ENTPD4: variants seen among roughly 807,000 people sequenced by gnomAD.
The protein encoded by ENTPD4 is ectonucleoside triphosphate diphosphohydrolase 4, also known as Golgi UDPase.
A neutral mutation model predicts 79.1 loss-of-function variants in ENTPD4; 60 were observed. That is an observed-to-expected ratio of 0.76 (90% CI 0.62 to 0.94). The LOEUF (loss-of-function observed/expected upper bound fraction) is 0.94. Ranked by LOEUF, ENTPD4 falls within the 40% of genes least tolerant of loss-of-function variation. The pLI is 0.00. For missense variants in ENTPD4, 772 were observed against 775.1 expected, an observed-to-expected ratio of 1.00 and a Z score of 0.05; for synonymous variants, 276 against 292.0, an observed-to-expected ratio of 0.95 and a Z score of 0.56.
chr8:23,450,054 GTTCT>G (rs1323801813), intron 1 of ENTPD4, 57 bp from the exon 2 acceptor site: 2 of 870,212 alleles, frequency 2.3e-6, no homozygotes, highest in Admixed American at 2.0e-5. Flanking sequence ...AAACATCTAC[GTTCT>G]TTAAGTGTGT....
chr8:23,438,592 AT>A (rs1177110904), intron 9 of ENTPD4, among the ~76,000 whole-genome samples: 3 of 152,206 alleles, frequency 2.0e-5, no homozygotes, highest in Non-Finnish European at 4.4e-5. Context: ...TAAACTATCC[AT>A]TATATAAAGC....
Position 23,433,132 on chromosome 8 carries a change from G to C in ENTPD4, c.1645C>G (p.Arg549Gly), listed in dbSNP as rs779360023. The change falls in exon 13 of 13, where the codon CGA becomes GGA. Residue 549 changes from arginine (R) to glycine (G), a missense_variant. Transcript: ENST00000358689. ...PLRDIQQEAF[R>G]ASHTHWRGVS... ...CCCCGCCAGTGGGTGTGACTGGCTC[G>C]GAAGGCCTCCTGCTGGATGTCTCTG... is the stretch of plus-strand genomic sequence containing the variant. 6.2e-7 allele frequency: 1 copy of C among 1,614,106 alleles called. No individual in the cohort carries two copies. The highest frequency in any genetic ancestry group is 8.5e-7 in the Non-Finnish European group (1 of 1,180,008).
chr8:23,440,117 C>T (rs1319859983), intron 8 of ENTPD4: 3 of 508,632 alleles, frequency 5.9e-6, no homozygotes, highest in Non-Finnish European at 1.0e-5. Flanking sequence ...ATTTGTGATA[C>T]TGTTATGACT....
chr8:23,457,133 T>A (rs1409656671), intron 1 of ENTPD4, among the ~76,000 whole-genome samples: 1 of 152,072 alleles, frequency 6.6e-6, no homozygotes, highest in African/African-American at 2.4e-5. Flanking sequence ...ACATGAAATC[T>A]GGCAAAAGCA....
intron 11 of ENTPD4, chr8:23,434,876 CTAAATATT>C (rs1324397109): frequency 3.7e-6 from 1 of 269,568 alleles, no homozygotes; most frequent in Non-Finnish European, 6.3e-6. Flanking sequence ...TTCTATGACT[CTAAATATT>C]TATTAGAGGT....
Position 23,429,959 on chromosome 8 carries a change from A to C in ENTPD4, c.*2967T>G. On this transcript the variant is annotated 3_prime_UTR_variant, in exon 13 of 13. Transcript: ENST00000358689. ...GAAGCCCATGATATGGCTATGGAAC[A>C]TAAGCACTTATTGCTGGCATGTTTC... 3 of 985,494 alleles carry C rather than the reference A, an allele frequency of 3.0e-6. No homozygotes were observed. Among genetic ancestry groups the C allele is most frequent in the Non-Finnish European group, 3.6e-6 (3 of 829,938 alleles). 61.0% of individuals were successfully genotyped at this position (985,494 alleles called of 1,614,324 possible).
In ENTPD4 at chr8:23,431,663, AT is replaced by A. The variant is rs1278274565; in HGVS notation, c.*1262del. 1 of 985,332 alleles carries A rather than the reference AT, an allele frequency of 1.0e-6. No individual in the cohort carries two copies. Among genetic ancestry groups the A allele is most frequent in the Non-Finnish European group, 1.2e-6 (1 of 829,986 alleles). 61.0% of individuals were successfully genotyped at this position (985,332 alleles called of 1,614,324 possible). A position where few individuals can be genotyped will look rare whatever the true frequency, so the allele number is the denominator to read the frequency against. On this transcript the variant is annotated 3_prime_UTR_variant, in exon 13 of 13. Coordinates refer to ENST00000358689, the MANE Select transcript of ENTPD4 (RefSeq NM_004901.5). ...GCTGTGCATGGGGTCTCCCAGTACG[AT>A]TAAAAGCTGAGATGACTTTTAATTA...
chr8:23,435,293 A>C (rs539849395), intron 11 of ENTPD4, 99 bp downstream of exon 11: 6 of 741,326 alleles, frequency 8.1e-6, no homozygotes, highest in African/African-American at 3.5e-5. Flanking sequence ...ACAGTGAGTG[A>C]GAAGAAGCTG....
intron 6 of ENTPD4, 100 bp from the exon 7 acceptor site, chr8:23,442,166 C>T (rs1383475629): frequency 1.4e-6 from 1 of 738,784 alleles, no homozygotes; most frequent in South Asian, 1.7e-5. Flanking sequence ...TATTTCACTC[C>T]CTGATAACCT....
chr8:23,443,950 C>T lies in ENTPD4; in HGVS notation c.567G>A (p.Gln189=). The T allele has an allele frequency of 1.9e-6, 3 of 1,603,724 alleles. No individual in the cohort carries two copies. Among genetic ancestry groups the T allele is most frequent in the Non-Finnish European group, 2.6e-6 (3 of 1,171,366 alleles). ...TAGMRILPES[Q]QKAILEDLLT... is the part of the protein sequence containing the mutation. ...GAAGGTCTTCCAGAATAGCTTTCTG[C>T]TGGCTGTAAAGTAATAAAAACATTT... is the stretch of plus-strand genomic sequence containing the variant. The change falls in exon 6 of 13, where the codon CAG becomes CAA. Residue 189 remains glutamine, a synonymous_variant. Transcript: ENST00000358689.
At position 23,449,058 on chromosome 8, in the gene ENTPD4, A is replaced by G. The variant is rs1800813527; in HGVS notation, c.9-119T>C. On this transcript the variant is annotated intron_variant, in intron 2 of 12. Coordinates refer to ENST00000358689, the MANE Select transcript of ENTPD4 (RefSeq NM_004901.5). ...TACCTGGATTTCCCTAACTGTAGGT[A>G]TCTGTATACTGGCATCTTGCATATG... The G allele has an allele frequency of 4.1e-6, 3 of 731,722 alleles. No homozygotes were observed. In the East Asian group the frequency reaches 7.8e-5, roughly 19 times the overall value. 45.3% of individuals were successfully genotyped at this position (731,722 alleles called of 1,614,324 possible).
Position 23,437,085 on chromosome 8 carries a change from T to A in ENTPD4, c.1223A>T (p.Glu408Val), listed in dbSNP as rs149781931. The change falls in exon 10 of 13, where the codon GAG (glutamate) becomes GTG (valine). Residue 408 changes from glutamate to valine, a missense_variant. Glu to Val is a moderately radical substitution (Grantham distance 121). Coordinates refer to ENST00000358689, the MANE Select transcript of ENTPD4 (RefSeq NM_004901.5). ...GACCCCATTGAGGGAAGTCTGGGTC[T>A]CGTTTGTTTTATTCATGAAAGGCTG... is the stretch of plus-strand genomic sequence containing the variant. ...TIQPFMNKTN[E>V]TQTSLNGVYQ... 4 of 1,614,108 alleles carry A rather than the reference T, an allele frequency of 2.5e-6. No individual in the cohort carries two copies. The African/African-American group carries it at 5.3e-5, about 22-fold the overall frequency.
chr8:23,455,658 A>G (rs1378310119), intron 1 of ENTPD4, among the ~76,000 whole-genome samples: 2 of 152,146 alleles, frequency 1.3e-5, no homozygotes, highest in Non-Finnish European at 2.9e-5. Flanking sequence ...CATTTTAAGT[A>G]GTCTTTTTCT....
At chr8:23,434,515 T>C (rs1364968804) in intron 11 of ENTPD4, 37 bp from the exon 12 acceptor site, 1 of 1,609,926 alleles carries the variant, frequency 6.2e-7, no homozygotes, top group African/African-American at 1.3e-5. Flanking sequence ...TCAGACTGAC[T>C]CACTCTGTCA....
In ENTPD4 at chr8:23,448,850, T is replaced by C. The variant is rs1469243024; in HGVS notation, c.98A>G (p.Gln33Arg). ...CPRILNTNLR[Q>R]IMVISVLAAA... is the part of the protein sequence containing the mutation. ...AGCCAGGACACTAATGACCATAATT[T>C]GGCGTAAATTGGTATTCAGAATTCG... Residue 33 changes from glutamine to arginine, a missense_variant, in exon 3 of 13, where the codon CAA becomes CGA. Gln to Arg is a conservative substitution (Grantham distance 43). Coordinates refer to ENST00000358689, the MANE Select transcript of ENTPD4 (RefSeq NM_004901.5). 1 of 1,614,096 alleles carries C rather than the reference T, an allele frequency of 6.2e-7. No homozygotes were observed. The highest frequency in any genetic ancestry group is 8.5e-7 in the Non-Finnish European group (1 of 1,179,968).
rs1404327051 is a variant in ENTPD4, at chr8:23,430,661, C to T, written c.*2265G>A. On this transcript the variant is annotated 3_prime_UTR_variant, in exon 13 of 13. Coordinates refer to ENST00000358689, the MANE Select transcript of ENTPD4 (RefSeq NM_004901.5). ...GCTGGAGCAATGAGGTTTTCTCAGCCCTTGTTTCAGGATCCTCAGGTATGT... is the reference window on the plus strand; with the variant it reads ...GCTGGAGCAATGAGGTTTTCTCAGCTCTTGTTTCAGGATCCTCAGGTATGT... The T allele has an allele frequency of 1.0e-6, 1 of 985,352 alleles. No individual in the cohort carries two copies. The highest frequency in any genetic ancestry group is 1.1e-4 in the East Asian group (1 of 8,830). The allele number at this position is 985,352 out of a possible 1,614,324, so 61.0% of individuals were successfully genotyped here. A position where few individuals can be genotyped will look rare whatever the true frequency, so the allele number is the denominator to read the frequency against.
At position 23,437,101 on chromosome 8, in the gene ENTPD4, T is replaced by G. The variant is rs1264240013; in HGVS notation, c.1207A>C (p.Met403Leu). 1.2e-6 allele frequency: 2 copies of G among 1,614,120 alleles called. No homozygotes were observed. The highest frequency in any genetic ancestry group is 1.6e-4 in the Middle Eastern group (1 of 6,084). Residue 403 changes from methionine (M) to leucine (L), a missense_variant, in exon 10 of 13, where the codon ATG becomes CTG. Met to Leu is a conservative substitution (Grantham distance 15, BLOSUM62 2). Coordinates refer to ENST00000358689, the MANE Select transcript of ENTPD4 (RefSeq NM_004901.5). ...GTCTGGGTCTCGTTTGTTTTATTCA[T>G]GAAAGGCTGGATAGTCTCTCGACAC... ...DLCRETIQPF[M>L]NKTNETQTSL...
intron 9 of ENTPD4, among the ~76,000 whole-genome samples, chr8:23,439,452 C>T (rs1322861338): frequency 1.3e-5 from 2 of 152,162 alleles, no homozygotes; most frequent in Non-Finnish European, 2.9e-5. Flanking sequence ...ATGAATAGCA[C>T]CACCCAGGGC....
chr8:23,435,764 G>C (rs1420101885), intron 10 of ENTPD4, among the ~76,000 whole-genome samples: 1 of 152,158 alleles, frequency 6.6e-6, no homozygotes. Flanking sequence ...CTCCATGACT[G>C]CATGGTACGG....
Sources: gnomAD v4.1 joint callset for allele counts (sites outside exome capture counted in the v4.1 genomes callset) on GRCh38, gnomAD v4.1.1 for gene constraint, MANE v1.5 for transcripts, NCBI Gene and HGNC (gene_info 2026-07-23, HGNC 2026-07-21) for gene names.